Variants in SND1 observed in about 807,000 individuals in gnomAD.
SND1 encodes staphylococcal nuclease domain-containing protein 1.
SND1 carries 38 observed loss-of-function variants against 121.7 expected under a neutral mutation model. The ratio of observed to expected loss-of-function variants is 0.31; its 90% CI spans 0.24 to 0.41. The LOEUF is 0.41. Among genes scored for constraint, SND1 ranks in the 10% least tolerant of loss-of-function variants. The probability of loss-of-function intolerance (pLI) is 1.00; values close to 1 mark genes in which losing one functional copy is unlikely to be tolerated. For missense variants in SND1, 868 were observed against 1,184.6 expected (o/e 0.73, Z 3.92); for synonymous variants, 401 against 447.4 (o/e 0.90, Z 1.31).
At chr7:128,051,257 G>A (rs1793041487) in intron 16 of SND1, among the ~76,000 whole-genome samples, 1 of 152,182 alleles carries the variant, frequency 6.6e-6, no homozygotes. Flanking sequence ...AGAGGCCCAG[G>A]AAAGACATTT....
chr7:127,787,797 GCTT>G (rs1028135816), intron 10 of SND1, among the ~76,000 whole-genome samples: 4 of 152,110 alleles, frequency 2.6e-5, no homozygotes, highest in Non-Finnish European at 5.9e-5. Flanking sequence ...ACTTTTAAAG[GCTT>G]CTTTTCTATT....
At chr7:127,855,430 G>A (rs1799256702) in intron 12 of SND1, among the ~76,000 whole-genome samples, 1 of 152,048 alleles carries the variant, frequency 6.6e-6, no homozygotes, top group African/African-American at 2.4e-5. Context: ...TTTAAATGTA[G>A]AGTTTGGAAG....
chr7:127,693,657 T>TACACA (rs1369095022), intron 2 of SND1, among the ~76,000 whole-genome samples: 230 of 152,344 alleles, frequency 1.5e-3, no homozygotes, highest in Non-Finnish European at 2.6e-3. Flanking sequence ...CTTTACTGTG[T>TACACA]GTAGCATGAG....
intron 12 of SND1, among the ~76,000 whole-genome samples, chr7:127,872,280 C>T (rs969849063): frequency 6.6e-6 from 1 of 152,146 alleles, no homozygotes; most frequent in African/African-American, 2.4e-5. Flanking sequence ...GGGGTGAGAA[C>T]CCATATCCTC....
intron 9 of SND1, among the ~76,000 whole-genome samples, chr7:127,717,175 T>G (rs1796406303): frequency 6.6e-6 from 1 of 152,230 alleles, no homozygotes; most frequent in Non-Finnish European, 1.5e-5. Flanking sequence ...TCATTAATAT[T>G]TTACGGGAGT....
chr7:128,058,539 T>C (rs1793179341), intron 16 of SND1, among the ~76,000 whole-genome samples: 1 of 152,152 alleles, frequency 6.6e-6, no homozygotes, highest in Non-Finnish European at 1.5e-5. Flanking sequence ...AAGAGGAAAA[T>C]GTTGGACTAG....
At chr7:127,736,599 C>T (rs1465797489) in intron 10 of SND1, among the ~76,000 whole-genome samples, 1 of 152,176 alleles carries the variant, frequency 6.6e-6, no homozygotes, top group East Asian at 1.9e-4. Context: ...TGCTGTCGTA[C>T]AATGTATGCG....
At chr7:128,057,978 C>CAGGCTG (rs1793170456) in intron 16 of SND1, among the ~76,000 whole-genome samples, 2 of 152,210 alleles carry the variant, frequency 1.3e-5, no homozygotes, top group Non-Finnish European at 2.9e-5. Flanking sequence ...GACCAGTGCT[C>CAGGCTG]AGGCTGGGGC....
intron 16 of SND1, among the ~76,000 whole-genome samples, chr7:127,996,223 G>A (rs1451083854): frequency 6.6e-6 from 1 of 152,150 alleles, no homozygotes; most frequent in African/African-American, 2.4e-5. Context: ...TCAGGGGAAT[G>A]TGGCCTCAGC....
chr7:127,840,893 C>G (rs1456731666), intron 11 of SND1, among the ~76,000 whole-genome samples: 1 of 152,144 alleles, frequency 6.6e-6, no homozygotes, highest in African/African-American at 2.4e-5. Context: ...TAATCTCTGA[C>G]TTATTTACAG....
intron 12 of SND1, among the ~76,000 whole-genome samples, chr7:127,867,495 A>G (rs1799499742): frequency 6.6e-6 from 1 of 151,920 alleles, no homozygotes; most frequent in South Asian, 2.1e-4. Context: ...CCTATATTCA[A>G]CTGCTGTTCC....
intron 13 of SND1, among the ~76,000 whole-genome samples, chr7:127,900,409 T>C (rs902208388): frequency 2.6e-5 from 4 of 152,142 alleles, no homozygotes; most frequent in African/African-American, 7.2e-5. Context: ...TTGGAGAGCA[T>C]TGGTCTTGAG....
At chr7:127,880,670 CA>C (rs1799773636) in intron 12 of SND1, among the ~76,000 whole-genome samples, 1 of 151,984 alleles carries the variant, frequency 6.6e-6, no homozygotes, top group Non-Finnish European at 1.5e-5. Context: ...ATCTAAGAAA[CA>C]GAGCCACTGA....
At chr7:128,019,359 T>C (rs1036354025) in intron 16 of SND1, among the ~76,000 whole-genome samples, 3 of 152,352 alleles carry the variant, frequency 2.0e-5, no homozygotes, top group South Asian at 4.1e-4. Flanking sequence ...TGTGTAATGA[T>C]AGCAGCACCT....
chr7:128,016,761 G>T (rs1803233659), intron 16 of SND1, among the ~76,000 whole-genome samples: 1 of 152,198 alleles, frequency 6.6e-6, no homozygotes, highest in East Asian at 1.9e-4. Flanking sequence ...TCCTTGTGTA[G>T]ATTACATGTC....
At chr7:127,991,306 T>G (rs911710254) in intron 16 of SND1, among the ~76,000 whole-genome samples, 1 of 152,250 alleles carries the variant, frequency 6.6e-6, no homozygotes, top group African/African-American at 2.4e-5. Flanking sequence ...GCCAGACTCC[T>G]GATGCAGAGA....
chr7:127,817,349 A>C (rs1798462870), intron 11 of SND1, among the ~76,000 whole-genome samples: 1 of 152,158 alleles, frequency 6.6e-6, no homozygotes, highest in Non-Finnish European at 1.5e-5. Flanking sequence ...TTCCAGTCAT[A>C]ACCCTGACTC....
At chr7:127,971,679 A>G (rs1454425689) in intron 15 of SND1, among the ~76,000 whole-genome samples, 1 of 152,210 alleles carries the variant, frequency 6.6e-6, no homozygotes, top group Non-Finnish European at 1.5e-5. Flanking sequence ...GAAGCAATGA[A>G]AGATAGGTGA....
At chr7:127,904,211 A>G (rs1800289057) in intron 13 of SND1, 1 of 152,360 alleles carries the variant, frequency 6.6e-6, no homozygotes, top group South Asian at 2.1e-4. Context: ...AATGAGACTT[A>G]ATGTCAGTTA....
Sources: gnomAD v4.1 joint callset for allele counts (sites outside exome capture counted in the v4.1 genomes callset) on GRCh38, gnomAD v4.1.1 for gene constraint, MANE v1.5 for transcripts, NCBI Gene and HGNC (gene_info 2026-07-23, HGNC 2026-07-21) for gene names.